ANKRD27: variants seen among roughly 807,000 people sequenced by gnomAD.
ANKRD27 encodes ankyrin repeat domain 27.
A neutral mutation model predicts 129.7 loss-of-function variants in ANKRD27; 112 were observed. That is an observed-to-expected ratio of 0.86 (90% CI 0.74 to 1.01). The LOEUF (loss-of-function observed/expected upper bound fraction) is 1.01. Ranked by LOEUF, ANKRD27 falls within the 50% of genes least tolerant of loss-of-function variation. The pLI, the probability that ANKRD27 is intolerant of heterozygous loss-of-function variation, is 0.00. For synonymous variants in ANKRD27, 516 were observed against 511.2 expected (o/e 1.01, Z -0.13); for missense variants, 1,258 against 1,300.5 (o/e 0.97, Z 0.50).
rs1263395381 is a variant in ANKRD27 at position 32,642,957 on chromosome 19, C to T, written c.782+166G>A. ...GAGGGGGACGGCCACACACAGTCAC[C>T]TATAAAGGGCAGCCCTTTATCTTTG... On this transcript the variant is annotated intron_variant, in intron 9 of 28. Transcript: ENST00000306065. 5.9e-6 allele frequency: 4 copies of T among 682,332 alleles called. No homozygotes were observed. The Admixed American group carries it at 1.1e-4, about 19-fold the overall frequency. The allele number at this position is 682,332 out of a possible 1,614,324, so 42.3% of individuals were successfully genotyped here.
chr19:32,641,802 C>T (rs1351063234), intron 10 of ANKRD27, among the ~76,000 whole-genome samples: 2 of 130,954 alleles, frequency 1.5e-5, no homozygotes, highest in Non-Finnish European at 3.1e-5. Context: ...GGGTCTCACT[C>T]TATCACCCAG....
chr19:32,626,911 A>T (rs961505952), intron 15 of ANKRD27, 84 bp from the exon 16 acceptor site: 1 of 879,546 alleles, frequency 1.1e-6, no homozygotes, highest in African/African-American at 1.7e-5. Context: ...ACACTATTGC[A>T]CCCTCCTAGT....
intron 23 of ANKRD27, 127 bp downstream of exon 23, chr19:32,607,508 A>C: frequency 8.5e-7 from 1 of 1,178,230 alleles, no homozygotes; most frequent in Non-Finnish European, 1.2e-6. Flanking sequence ...GCACCTCAGA[A>C]TCTCAGGGCT....
At chr19:32,665,074 C>G (rs958374288) in intron 1 of ANKRD27, among the ~76,000 whole-genome samples, 1 of 152,044 alleles carries the variant, frequency 6.6e-6, no homozygotes, top group African/African-American at 2.4e-5. Context: ...AGCTATTACA[C>G]TGGACAGGGC....
chr19:32,613,706 CTTT>C (rs58394462), intron 22 of ANKRD27, among the ~76,000 whole-genome samples: 7 of 132,984 alleles, frequency 5.3e-5, no homozygotes, highest in Non-Finnish European at 6.4e-5. Flanking sequence ...ATTTATGTAA[CTTT>C]TTTTTTTTTT....
At chr19:32,649,813 C>G (rs7246047) in intron 2 of ANKRD27, 21 bp from the exon 3 acceptor site, 217,864 of 1,490,880 alleles carry the variant, frequency 0.15, 31,885 homozygotes, top group African/African-American at 0.69. Flanking sequence ...CAATTCGGGG[C>G]AACATTAGAC....
chr19:32,654,948 A>C (rs1967491375), intron 2 of ANKRD27: 1 of 151,956 alleles, frequency 6.6e-6, no homozygotes, highest in African/African-American at 2.4e-5. Flanking sequence ...CACCTGGCTA[A>C]TTTGTGTATT....
At chr19:32,629,133 C>A (rs1966944909) in intron 13 of ANKRD27, among the ~76,000 whole-genome samples, 1 of 152,168 alleles carries the variant, frequency 6.6e-6, no homozygotes, top group Non-Finnish European at 1.5e-5. Context: ...GTTGGCCAGG[C>A]TGGTCTCAAA....
chr19:32,601,027 G>A (rs1019379961), intron 26 of ANKRD27, among the ~76,000 whole-genome samples: 19 of 152,094 alleles, frequency 1.2e-4, no homozygotes, highest in Non-Finnish European at 1.3e-4. Context: ...GGCCAGGCGC[G>A]GTGGCTCACA....
chr19:32,648,549 C>A (rs1274582014), intron 3 of ANKRD27, among the ~76,000 whole-genome samples: 1 of 152,140 alleles, frequency 6.6e-6, no homozygotes, highest in Admixed American at 6.6e-5. Flanking sequence ...GCCTGTAATC[C>A]CAGCACTTTG....
chr19:32,620,081 G>A lies in ANKRD27; in HGVS notation c.1828-528C>T, dbSNP rs149803520. Among the ~76,000 whole-genome samples, 29 of 152,144 alleles carry A rather than the reference G, an allele frequency of 1.9e-4. No homozygotes were observed. In the East Asian group the frequency reaches 5.4e-3, roughly 29 times the overall value. On this transcript the variant is annotated intron_variant, in intron 18 of 28. Transcript: ENST00000306065. ...CCAAGACATCCCAGCAGCCCCAGCC[G>A]TGGTGGCACTGCTCAGCCCAGTCAG... is the stretch of plus-strand genomic sequence containing the variant.
Position 32,640,174 on chromosome 19 carries a change from A to G in ANKRD27, c.983+133T>C, listed in dbSNP as rs924904165. ...GAGACGGGGTTTCACCGTGTTAGCC[A>G]GGATGGTCTCGATCTCCTGACCTCG... On this transcript the variant is annotated intron_variant, in intron 11 of 28. Coordinates refer to ENST00000306065, the MANE Select transcript of ANKRD27 (RefSeq NM_032139.3). 8.0e-5 allele frequency: 47 copies of G among 588,762 alleles called. 4 individuals are homozygous for G. Among genetic ancestry groups the G allele is most frequent in the South Asian group, 7.8e-4 (45 of 57,850 alleles). 36.5% of individuals were successfully genotyped at this position (588,762 alleles called of 1,614,324 possible).
At chr19:32,626,037 C>G (rs1483577616) in intron 16 of ANKRD27, 71 bp from the exon 17 acceptor site, 10 of 1,274,472 alleles carry the variant, frequency 7.8e-6, no homozygotes, top group Non-Finnish European at 1.1e-5. Context: ...CCAGTCTTAG[C>G]AGGGGGAGGT....
intron 14 of ANKRD27, 148 bp downstream of exon 14, chr19:32,628,574 G>T: frequency 2.0e-6 from 2 of 1,007,238 alleles, no homozygotes; most frequent in Non-Finnish European, 2.9e-6. Context: ...CAAAGGGGCA[G>T]CTGTTATCAT....
In ANKRD27 at chr19:32,624,398, A is replaced by C. The variant is rs574317541; in HGVS notation, c.1629+1476T>G. On this transcript the variant is annotated intron_variant, in intron 17 of 28. Coordinates refer to ENST00000306065, the MANE Select transcript of ANKRD27 (RefSeq NM_032139.3). ...AAAAAAAAAAAGAATGTGCTAGATC[A>C]ACAGGGACTGACCTAGAGGATCTCT... 5.9e-5 allele frequency among the ~76,000 whole-genome samples: 9 copies of C among 151,894 alleles called. No homozygotes were observed. The South Asian group carries it at 1.9e-3, about 32-fold the overall frequency.
chr19:32,650,492 G>A (rs1002144889), intron 2 of ANKRD27, among the ~76,000 whole-genome samples: 3 of 152,102 alleles, frequency 2.0e-5, no homozygotes, highest in Non-Finnish European at 4.4e-5. Context: ...TTTGAGACCA[G>A]CCTGGTCAAC....
intron 1 of ANKRD27, among the ~76,000 whole-genome samples, chr19:32,670,367 C>T (rs111929631): frequency 1.3e-5 from 2 of 152,192 alleles, no homozygotes; most frequent in Non-Finnish European, 2.9e-5. Context: ...GACCTCTGTC[C>T]GACACTGTTC....
intron 26 of ANKRD27, among the ~76,000 whole-genome samples, chr19:32,600,478 T>C (rs1359269254): frequency 1.3e-5 from 2 of 152,022 alleles, no homozygotes; most frequent in African/African-American, 2.4e-5. Context: ...GAGGCAGAGG[T>C]TGCAGTGAGC....
chr19:32,620,817 C>A (rs1427492111), intron 18 of ANKRD27, among the ~76,000 whole-genome samples: 4 of 136,580 alleles, frequency 2.9e-5, no homozygotes, highest in Non-Finnish European at 4.5e-5. Flanking sequence ...GCCCAGGAGG[C>A]AGAGGTTGCA....
Sources: allele counts gnomAD v4.1 joint callset (sites outside exome capture counted in the v4.1 genomes callset), GRCh38; gene constraint gnomAD v4.1.1; transcripts MANE v1.5; gene names NCBI Gene and HGNC (gene_info 2026-07-23, HGNC 2026-07-21).